The following IL17RE variants were observed in gnomAD, a reference collection of about 807,000 sequenced individuals.
IL17RE encodes interleukin-17 receptor E.
Under a neutral mutation model 70.7 loss-of-function variants are expected in IL17RE, and 47 were observed. That is an observed-to-expected ratio of 0.67 (90% CI 0.53 to 0.85). The LOEUF is 0.85. Ranked by LOEUF, IL17RE falls within the 40% of genes least tolerant of loss-of-function variation. The probability of loss-of-function intolerance (pLI) is 0.00; values close to 1 mark genes in which losing one functional copy is unlikely to be tolerated. For missense variants in IL17RE, 850 were observed against 893.9 expected (o/e 0.95, Z 0.63); for synonymous variants, 372 against 381.2 (o/e 0.98, Z 0.28).
At chr3:9,903,971 G>T in intron 2 of IL17RE, 61 bp from the exon 3 acceptor site, 1 of 1,595,490 alleles carries the variant, frequency 6.3e-7, no homozygotes, top group African/African-American at 1.3e-5. Flanking sequence ...AATCCAGCTT[G>T]TTGGAGGTAG....
chr3:9,911,140 A>C lies in IL17RE; in HGVS notation c.992A>C (p.Glu331Ala). The change falls in exon 10 of 16, where the codon GAG becomes GCG. Residue 331 changes from glutamate to alanine, a missense_variant. Physicochemically the swap from Glu to Ala is moderately radical, Grantham distance 107 (BLOSUM62 -1). Coordinates refer to ENST00000383814, the MANE Select transcript of IL17RE (RefSeq NM_153480.2). ...ARESDGWYVL[E>A]KVDLHPQLCF... ...CTCCTCCCACAGTGGTATGTTTTGG[A>C]GAAGGTGGACCTGCACCCCCAGCTC... The C allele has an allele frequency of 6.2e-7, 1 of 1,614,144 alleles. No homozygotes were observed.
intron 7 of IL17RE, 45 bp from the exon 8 acceptor site, chr3:9,909,172 A>G (rs776622368): frequency 3.3e-6 from 5 of 1,508,014 alleles, no homozygotes; most frequent in Non-Finnish European, 4.6e-6. Flanking sequence ...GTGAGATTGG[A>G]AAAGCCATTC....
At position 9,914,585 on chromosome 3, in the gene IL17RE, T is replaced by C. The variant is rs761211829; in HGVS notation, c.1334T>C (p.Leu445Pro). Residue 445 changes from leucine (L) to proline (P), a missense_variant, in exon 14 of 16, where the codon CTC becomes CCC. Leu to Pro is a moderately conservative substitution (Grantham distance 98). Coordinates refer to ENST00000383814, the MANE Select transcript of IL17RE (RefSeq NM_153480.2). ...RSDVQFAWKH[L>P]LCPDVSYRHL... The stretch of plus-strand genomic sequence containing the variant: ...GATGTCCAGTTTGCCTGGAAGCACC[T>C]CTTGTGTCCGGATGGTGAGTTCTTG... 6.2e-6 allele frequency: 10 copies of C among 1,613,770 alleles called. No individual in the cohort carries two copies. In the African/African-American group the frequency reaches 9.3e-5, roughly 15 times the overall value.
At chr3:9,910,442 T>C (rs901359296) in intron 8 of IL17RE, 1 of 175,242 alleles carries the variant, frequency 5.7e-6, no homozygotes, top group African/African-American at 2.4e-5. Flanking sequence ...TCCCAGCACT[T>C]TGGGAGGCCA....
chr3:9,905,094 C>CAAAAAAAAAAAAAAAAA (rs71626946), intron 3 of IL17RE, among the ~76,000 whole-genome samples: 19 of 56,158 alleles, frequency 3.4e-4, no homozygotes, highest in African/African-American at 1.3e-3. Flanking sequence ...GACCCTGTCT[C>CAAAAAAAAAAAAAAAAA]AAAAAAAAAA....
In IL17RE at chr3:9,908,284, C is replaced by A. The variant is rs1219626186; in HGVS notation, c.712C>A (p.Leu238Ile). The A allele has an allele frequency of 6.2e-7, 1 of 1,614,164 alleles. No individual in the cohort carries two copies. The highest frequency in any genetic ancestry group is 1.7e-5 in the Admixed American group (1 of 60,010). The change falls in exon 7 of 16, where the codon CTT becomes ATT. Residue 238 changes from leucine (L) to isoleucine (I), a missense_variant. Leu to Ile is a conservative substitution (Grantham distance 5, BLOSUM62 2). Transcript: ENST00000383814. ...GHTVELPYEF[L>I]LPCLCIEASY... The stretch of plus-strand genomic sequence containing the variant: ...CACTGTAGAGCTGCCTTATGAATTC[C>A]TTCTGCCCTGTCTGTGCATAGAGGT...
At position 9,907,015 on chromosome 3, in the gene IL17RE, T is replaced by C; in HGVS notation, c.581T>C (p.Ile194Thr). The stretch of plus-strand genomic sequence containing the variant: ...GAGGCCCGGGCTATTCGGGTGACCA[T>C]ATCTTCAGGCCCTGAGGTCAGCGTG... ...LPEARAIRVT[I>T]SSGPEVSVRL... The change falls in exon 6 of 16, where the codon ATA becomes ACA. Residue 194 changes from isoleucine to threonine, a missense_variant. By Grantham distance (89) the Ile-to-Thr change is moderately conservative (BLOSUM62 -1). Coordinates refer to ENST00000383814, the MANE Select transcript of IL17RE (RefSeq NM_153480.2). 1 of 1,614,168 alleles carries C rather than the reference T, an allele frequency of 6.2e-7. No individual in the cohort carries two copies. Among genetic ancestry groups the C allele is most frequent in the Non-Finnish European group, 8.5e-7 (1 of 1,180,012 alleles).
chr3:9,906,609 G>A, intron 4 of IL17RE, 97 bp from the exon 5 acceptor site: 6 of 1,499,332 alleles, frequency 4.0e-6, no homozygotes, highest in Non-Finnish European at 5.5e-6. Context: ...AAAAGAGTTT[G>A]AGCAACTTGC....
chr3:9,905,087 C>T (rs1212769116), intron 3 of IL17RE, among the ~76,000 whole-genome samples: 9 of 122,878 alleles, frequency 7.3e-5, no homozygotes, highest in Non-Finnish European at 1.5e-4. Context: ...AGTGTGAGAC[C>T]CTGTCTCAAA....
At position 9,903,395 on chromosome 3, in the gene IL17RE, A is replaced by G. The variant is rs2082681765; in HGVS notation, c.133-2A>G. ...TTTTCCCTACTGGGCCCTGTGCCTC[A>G]GGATGACAGTTTCACTGGTGAGTCG... is the stretch of plus-strand genomic sequence containing the variant. On this transcript the variant is annotated splice_acceptor_variant, in intron 1 of 15. Coordinates refer to ENST00000383814, the MANE Select transcript of IL17RE (RefSeq NM_153480.2). LOFTEE classifies it high-confidence loss of function. 6.2e-7 allele frequency: 1 copy of G among 1,614,144 alleles called. No homozygotes were observed. The highest frequency in any genetic ancestry group is 8.5e-7 in the Non-Finnish European group (1 of 1,179,994).
chr3:9,912,862 C>G lies in IL17RE; in HGVS notation c.1228-1094C>G, dbSNP rs111497116. 6.3e-3 allele frequency among the ~76,000 whole-genome samples: 959 copies of G among 152,202 alleles called. 7 individuals are homozygous for G. The highest frequency in any genetic ancestry group is 0.022 in the African/African-American group (907 of 41,524). On this transcript the variant is annotated intron_variant, in intron 12 of 15. Coordinates refer to ENST00000383814, the MANE Select transcript of IL17RE (RefSeq NM_153480.2). ...CCAGCCTGGGTGACAGCATAAGACT[C>G]TGACTCTAAAAAAAATGTTTTTAAT... is the stretch of plus-strand genomic sequence containing the variant.
At chr3:9,909,667 T>C (rs188691605) in intron 8 of IL17RE, 33 of 197,954 alleles carry the variant, frequency 1.7e-4, no homozygotes, top group Non-Finnish European at 3.2e-4. Flanking sequence ...TTCAAAGTGT[T>C]TGTGAAGCCT....
chr3:9,911,335 G>A, intron 11 of IL17RE, 35 bp downstream of exon 11: 1 of 1,613,772 alleles, frequency 6.2e-7, no homozygotes. Flanking sequence ...GGGACCCCCT[G>A]CCCCATTTCA....
Position 9,906,871 on chromosome 3 carries a change from C to A in IL17RE, c.526+6C>A. ...GGACTCACAAAGGCATGGAGGTGGG[C>A]ACTGGGTACAACAGGAGATGGGTTC... On this transcript the variant is annotated splice_donor_region_variant and intron_variant, in intron 5 of 15. Coordinates refer to ENST00000383814, the MANE Select transcript of IL17RE (RefSeq NM_153480.2). 6.2e-7 allele frequency: 1 copy of A among 1,614,154 alleles called. No individual in the cohort carries two copies. The highest frequency in any genetic ancestry group is 1.1e-5 in the South Asian group (1 of 91,080).
intron 3 of IL17RE, among the ~76,000 whole-genome samples, chr3:9,906,016 G>A (rs1033078371): frequency 9.9e-5 from 15 of 151,870 alleles, no homozygotes; most frequent in South Asian, 2.1e-4. Context: ...TTGGGAGGCC[G>A]AGGCGGGCGG....
At chr3:9,903,891 A>C in intron 2 of IL17RE, 141 bp from the exon 3 acceptor site, 1 of 975,444 alleles carries the variant, frequency 1.0e-6, no homozygotes. Flanking sequence ...ATGAATGAGG[A>C]ATCTGATCCT....
chr3:9,902,149 G>A (rs1424976094), upstream of IL17RE, among the ~76,000 whole-genome samples: 2 of 152,256 alleles, frequency 1.3e-5, no homozygotes, highest in African/African-American at 4.8e-5. Flanking sequence ...AGCCTCGTCA[G>A]CCTTTCTCCA....
In IL17RE at chr3:9,902,977, CAT is replaced by C; in HGVS notation, c.47_48del (p.Ile16SerfsTer6). 1 of 1,614,226 alleles carries C rather than the reference CAT, an allele frequency of 6.2e-7. No individual in the cohort carries two copies. Among genetic ancestry groups the C allele is most frequent in the South Asian group, 1.1e-5 (1 of 91,086 alleles). ...CAGCCCTGCTCCTGCCTCTCCTCCT[CAT>C]AGTCATCGACCTCTCTGACTCTGCT... is the stretch of plus-strand genomic sequence containing the variant. ...LAALLLPLLL[I>X]VIDLSDSAGI... On this transcript the variant is annotated frameshift_variant, in exon 1 of 16. Coordinates refer to ENST00000383814, the MANE Select transcript of IL17RE (RefSeq NM_153480.2). LOFTEE classifies it high-confidence loss of function.
At position 9,911,293 on chromosome 3, in the gene IL17RE, C is replaced by T; in HGVS notation, c.1065C>T (p.His355=). The T allele has an allele frequency of 6.2e-7, 1 of 1,614,192 alleles. No individual in the cohort carries two copies. Among genetic ancestry groups the T allele is most frequent in the Non-Finnish European group, 8.5e-7 (1 of 1,180,010 alleles). ...ACAGCAGCCATGTTGAATGCCCCCA[C>T]CAGACTGGTGAGTCAATAAGTGACC... ...FGNSSHVECP[H]QTGSLTSWNV... Residue 355 remains histidine (H), a synonymous_variant, in exon 11 of 16, where the codon CAC becomes CAT. Coordinates refer to ENST00000383814, the MANE Select transcript of IL17RE (RefSeq NM_153480.2).
Sources: gnomAD v4.1 joint callset for allele counts (sites outside exome capture counted in the v4.1 genomes callset) on GRCh38, gnomAD v4.1.1 for gene constraint, MANE v1.5 for transcripts, NCBI Gene and HGNC (gene_info 2026-07-23, HGNC 2026-07-21) for gene names.